RIMS2: variants seen among roughly 807,000 people sequenced by gnomAD.
RIMS2 encodes regulating synaptic membrane exocytosis protein 2.
RIMS2 carries 59 observed loss-of-function variants against 174.4 expected under a neutral mutation model. The observed-to-expected ratio is 0.34, with a 90% CI of 0.27 to 0.42. RIMS2 has a LOEUF of 0.42. RIMS2 is among the 10% of genes least tolerant of loss of function. RIMS2 has a pLI of 1.00. For missense variants in RIMS2, 1,620 were observed against 1,666.3 expected (o/e 0.97, Z 0.48); for synonymous variants, 606 against 572.5 (o/e 1.06, Z -0.84).
intron 2 of RIMS2, among the ~76,000 whole-genome samples, chr8:103,717,802 T>C (rs2097392313): frequency 6.6e-6 from 1 of 152,214 alleles, no homozygotes; most frequent in Admixed American, 6.5e-5. Flanking sequence ...CACTGTTCAA[T>C]AGGACTTTCA....
At chr8:103,818,259 A>T (rs1404492992) in intron 3 of RIMS2, among the ~76,000 whole-genome samples, 1 of 152,166 alleles carries the variant, frequency 6.6e-6, no homozygotes, top group Admixed American at 6.6e-5. Flanking sequence ...CAAAAGGGCA[A>T]AAAGGGCTGG....
At chr8:103,539,278 T>A (rs2469983) in intron 1 of RIMS2, among the ~76,000 whole-genome samples, 98,214 of 151,936 alleles carry the variant, frequency 0.65, 32,465 homozygotes, top group African/African-American at 0.7. Context: ...TAGGGAAAAA[T>A]GTCCAAACAC....
intron 19 of RIMS2, among the ~76,000 whole-genome samples, chr8:104,056,319 G>T (rs185855726): frequency 6.6e-6 from 1 of 151,360 alleles, no homozygotes; most frequent in Non-Finnish European, 1.5e-5. Flanking sequence ...CAGGAGAATC[G>T]CTTGAACCCA....
chr8:103,890,892 C>T (rs2099240467), intron 4 of RIMS2, among the ~76,000 whole-genome samples: 1 of 151,988 alleles, frequency 6.6e-6, no homozygotes, highest in Non-Finnish European at 1.5e-5. Context: ...TCAACCTCAG[C>T]ACTATTAACA....
At chr8:103,837,701 T>G (rs1447238176) in intron 3 of RIMS2, among the ~76,000 whole-genome samples, 1 of 152,208 alleles carries the variant, frequency 6.6e-6, no homozygotes, top group Non-Finnish European at 1.5e-5. Context: ...TCATCCTTTT[T>G]TATGGCTGCA....
chr8:103,814,062 C>T (rs765375721), intron 3 of RIMS2, among the ~76,000 whole-genome samples: 23 of 152,168 alleles, frequency 1.5e-4, no homozygotes, highest in Admixed American at 9.8e-4. Context: ...GAATACTATG[C>T]GCCATAAAAA....
chr8:103,893,121 G>GATTC lies in RIMS2; in HGVS notation c.1624+6910_1624+6913dup, dbSNP rs567911737. Among the ~76,000 whole-genome samples, 132 of 152,106 alleles carry GATTC rather than the reference G, an allele frequency of 8.7e-4. No homozygotes were observed. The East Asian group carries it at 8.7e-3, about 10-fold the overall frequency. Reference sequence around the variant, plus strand: ...TCAATATTTCAAGAGGGATAGAGTAGATTCATTCATTCATTTATTCATTAT... The same window carrying GATTC: ...TCAATATTTCAAGAGGGATAGAGTAGATTCATTCATTCATTCATTTATTCATTAT... On this transcript the variant is annotated intron_variant, in intron 4 of 23. Transcript: ENST00000504942.
At chr8:104,226,197 G>T (rs2099187171) in intron 19 of RIMS2, among the ~76,000 whole-genome samples, 1 of 152,160 alleles carries the variant, frequency 6.6e-6, no homozygotes, top group Non-Finnish European at 1.5e-5. Flanking sequence ...TGTCTAAAGA[G>T]CACGGATCTA....
At chr8:104,236,083 A>G (rs1242674222) in intron 19 of RIMS2, among the ~76,000 whole-genome samples, 1 of 144,124 alleles carries the variant, frequency 6.9e-6, no homozygotes, top group Non-Finnish European at 1.5e-5. Context: ...TTTTTTTATC[A>G]TTCTCTCTAT....
chr8:104,208,668 T>C (rs2099091910), intron 19 of RIMS2, among the ~76,000 whole-genome samples: 1 of 152,182 alleles, frequency 6.6e-6, no homozygotes, highest in Non-Finnish European at 1.5e-5. Flanking sequence ...AGGGACTTTT[T>C]AGAGTAAATA....
At chr8:104,227,787 T>G (rs2099197533) in intron 19 of RIMS2, among the ~76,000 whole-genome samples, 1 of 152,176 alleles carries the variant, frequency 6.6e-6, no homozygotes, top group Non-Finnish European at 1.5e-5. Flanking sequence ...CCTATCAGCT[T>G]AATACTATAA....
At chr8:104,177,976 C>T (rs1408270332) in intron 19 of RIMS2, among the ~76,000 whole-genome samples, 2 of 152,112 alleles carry the variant, frequency 1.3e-5, no homozygotes, top group African/African-American at 4.8e-5. Context: ...ATGATGGTGT[C>T]TACCATATGG....
chr8:103,897,631 C>T (rs1253592467), intron 4 of RIMS2, among the ~76,000 whole-genome samples: 1 of 151,636 alleles, frequency 6.6e-6, no homozygotes, highest in Non-Finnish European at 1.5e-5. Flanking sequence ...ATGAGGGGCA[C>T]TTCTAGCTGT....
At chr8:104,051,163 T>G (rs749977125) in intron 19 of RIMS2, among the ~76,000 whole-genome samples, 1 of 151,942 alleles carries the variant, frequency 6.6e-6, no homozygotes, top group Non-Finnish European at 1.5e-5. Context: ...GTCTTGAGCC[T>G]AGGAGTTGGA....
chr8:103,768,119 TC>T lies in RIMS2; in HGVS notation c.698+1583del, dbSNP rs2098200092. 1.0e-5 allele frequency: 3 copies of T among 300,424 alleles called. No individual in the cohort carries two copies. In the South Asian group the frequency reaches 1.0e-4, roughly 10 times the overall value. The allele number at this position is 300,424 out of a possible 1,614,324, so 18.6% of individuals were successfully genotyped here. On this transcript the variant is annotated intron_variant, in intron 3 of 23. Coordinates refer to ENST00000504942, the Ensembl canonical transcript of RIMS2. ...ATCTGCTACACAGTGACTTCAGAGA[TC>T]AAGAAAGTTCCCCAAATGGCAGTTA...
intron 1 of RIMS2, among the ~76,000 whole-genome samples, chr8:103,586,595 A>G (rs1373750802): frequency 2.0e-5 from 3 of 152,184 alleles, no homozygotes; most frequent in African/African-American, 4.8e-5. Flanking sequence ...ATGCAGCAAC[A>G]GCAGTGCTAA....
chr8:104,021,551 G>T (rs2096089582), intron 19 of RIMS2, among the ~76,000 whole-genome samples: 1 of 152,170 alleles, frequency 6.6e-6, no homozygotes, highest in Non-Finnish European at 1.5e-5. Flanking sequence ...GTATTTAGGT[G>T]CATTTAAATG....
chr8:103,530,598 G>T (rs1282029528), intron 1 of RIMS2, among the ~76,000 whole-genome samples: 1 of 152,094 alleles, frequency 6.6e-6, no homozygotes, highest in East Asian at 1.9e-4. Flanking sequence ...TTAAGCAAAA[G>T]AAATCTGGTG....
intron 19 of RIMS2, among the ~76,000 whole-genome samples, chr8:104,055,879 T>A (rs2096860042): frequency 6.6e-6 from 1 of 152,150 alleles, no homozygotes; most frequent in South Asian, 2.1e-4. Flanking sequence ...CTCTGGCTAA[T>A]CCTCTCTTTC....
Sources: allele counts gnomAD v4.1 joint callset (sites outside exome capture counted in the v4.1 genomes callset), GRCh38; gene constraint gnomAD v4.1.1; transcripts MANE v1.5; gene names NCBI Gene and HGNC (gene_info 2026-07-23, HGNC 2026-07-21).